MTAP: variants seen among roughly 807,000 people sequenced by gnomAD.
The protein encoded by MTAP is methylthioadenosine phosphorylase.
A neutral mutation model predicts 33.6 loss-of-function variants in MTAP; 33 were observed. That is an observed-to-expected ratio of 0.98 (90% CI 0.74 to 1.31). The LOEUF is 1.31. Ranked by LOEUF, MTAP falls within the 40% of genes most tolerant of loss-of-function variation. The pLI is 0.00. For missense variants in MTAP, 367 were observed against 360.0 expected, an observed-to-expected ratio of 1.02 and a Z score of -0.16; for synonymous variants, 148 against 125.7, an observed-to-expected ratio of 1.18 and a Z score of -1.19.
chr9:21,846,041 G>C (rs1437128672), intron 5 of MTAP, among the ~76,000 whole-genome samples: 1 of 152,186 alleles, frequency 6.6e-6, no homozygotes, highest in East Asian at 1.9e-4. Context: ...AACAAATGTT[G>C]CAGGATAATT....
chr9:21,883,036 C>T (rs1429050313), intron 1 of MTAP, among the ~76,000 whole-genome samples: 1 of 150,434 alleles, frequency 6.6e-6, no homozygotes, highest in Non-Finnish European at 1.5e-5. Flanking sequence ...AAAAGCAGAA[C>T]TTAATTAAAT....
intron 1 of MTAP, among the ~76,000 whole-genome samples, chr9:21,903,204 C>G (rs1327763458): frequency 1.3e-5 from 2 of 152,140 alleles, no homozygotes; most frequent in Admixed American, 1.3e-4. Context: ...ATGGACTATA[C>G]TATATTTAGA....
chr9:21,870,369 G>C (rs1681954880), downstream of MTAP, among the ~76,000 whole-genome samples: 1 of 152,170 alleles, frequency 6.6e-6, no homozygotes, highest in Non-Finnish European at 1.5e-5. Flanking sequence ...CAGGAAACTT[G>C]TCATTTACTG....
rs370690251 is a variant in MTAP, at chr9:21,931,017, T to C, written c.157T>C (p.Phe53Leu). The C allele has an allele frequency of 1.2e-4, 90 of 763,728 alleles. No individual in the cohort carries two copies. In the African/African-American group the frequency reaches 1.3e-3, roughly 11 times the overall value. The allele number at this position is 763,728 out of a possible 1,614,324, so 47.3% of individuals were successfully genotyped here. ...TTTCTCTCACCTTTAGATGATCAAG[T>C]TCCAGATGATCCTCAGTGAGGGATA... The change falls in exon 2 of 2, where the codon TTC becomes CTC. Residue 53 changes from phenylalanine (F) to leucine (L), a missense_variant. By Grantham distance (22) the Phe-to-Leu change is conservative. Coordinates refer to the MTAP transcript ENST00000577563.
At chr9:21,933,564 A>G (rs1818997294), downstream of MTAP, 1 of 152,080 alleles carries the variant, frequency 6.6e-6, no homozygotes, top group Admixed American at 6.5e-5. Flanking sequence ...AGAAGAAGAA[A>G]TAGAGCTAAT....
At chr9:21,856,651 G>A (rs143976244) in intron 6 of MTAP, among the ~76,000 whole-genome samples, 2 of 152,272 alleles carry the variant, frequency 1.3e-5, no homozygotes, top group African/African-American at 4.8e-5. Flanking sequence ...ATGAGGTTGG[G>A]GAAATAGTCA....
intron 1 of MTAP, among the ~76,000 whole-genome samples, chr9:21,919,121 T>C (rs1162778368): frequency 6.6e-6 from 1 of 152,108 alleles, no homozygotes; most frequent in Non-Finnish European, 1.5e-5. Context: ...TTCAGCAGAG[T>C]GTTTAAAGTA....
At chr9:21,884,553 A>G (rs72691587) in intron 1 of MTAP, among the ~76,000 whole-genome samples, 13,039 of 152,250 alleles carry the variant, frequency 0.086, 724 homozygotes, top group East Asian at 0.24. Context: ...TCACAGTTCT[A>G]AAGGCTGGGA....
intron 1 of MTAP, among the ~76,000 whole-genome samples, chr9:21,810,176 G>T (rs370048033): frequency 6.6e-6 from 1 of 152,160 alleles, no homozygotes; most frequent in African/African-American, 2.4e-5. Context: ...AGAAGTCCAA[G>T]ATCAAGGTGA....
At chr9:21,913,072 G>A (rs1563868510) in intron 1 of MTAP, among the ~76,000 whole-genome samples, 1 of 152,100 alleles carries the variant, frequency 6.6e-6, no homozygotes, top group African/African-American at 2.4e-5. Flanking sequence ...CAACTTACAA[G>A]GGTTGTGAAG....
intron 1 of MTAP, among the ~76,000 whole-genome samples, chr9:21,872,340 T>C (rs1340528583): frequency 6.6e-6 from 1 of 152,142 alleles, no homozygotes; most frequent in East Asian, 1.9e-4. Context: ...CACCAAAAAC[T>C]GTCTGCTCTC....
At position 21,837,943 on chromosome 9, in the gene MTAP, G is replaced by C; in HGVS notation, c.383G>C (p.Ser128Thr). The change falls in exon 5 of 8, where the codon AGT becomes ACT. Residue 128 changes from serine to threonine, a missense_variant. By Grantham distance (58) the Ser-to-Thr change is moderately conservative. Coordinates refer to ENST00000644715, the MANE Select transcript of MTAP (RefSeq NM_002451.4). The part of the protein sequence containing the change: ...TMRPQSFYDG[S>T]HSCARGVCHI... ...AGACCTCAGTCCTTCTATGATGGAA[G>C]TCATTCTTGTGCCAGAGGAGTGTGC... 1 of 1,614,140 alleles carries C rather than the reference G, an allele frequency of 6.2e-7. No individual in the cohort carries two copies. The highest frequency in any genetic ancestry group is 8.5e-7 in the Non-Finnish European group (1 of 1,179,992).
At chr9:21,875,543 A>T (rs1232898750) in intron 1 of MTAP, among the ~76,000 whole-genome samples, 1 of 151,382 alleles carries the variant, frequency 6.6e-6, no homozygotes, top group African/African-American at 2.4e-5. Context: ...TCTGCTCCTC[A>T]CCCTCCTCCC....
At chr9:21,932,807 T>C (rs1818984230), downstream of MTAP, 1 of 152,200 alleles carries the variant, frequency 6.6e-6, no homozygotes, top group Admixed American at 6.5e-5. Flanking sequence ...TTCCCCTGCC[T>C]TGATAAATGA....
chr9:21,814,684 C>T (rs1824432920), intron 1 of MTAP, among the ~76,000 whole-genome samples: 1 of 151,962 alleles, frequency 6.6e-6, no homozygotes, highest in South Asian at 2.1e-4. Context: ...CTGAAAAATG[C>T]AATACAATGC....
chr9:21,813,148 T>C (rs1449110224), intron 1 of MTAP, among the ~76,000 whole-genome samples: 1 of 152,266 alleles, frequency 6.6e-6, no homozygotes. Flanking sequence ...AGTTGTACTT[T>C]GCTGTGGAGC....
chr9:21,829,727 C>T (rs1824920505), intron 4 of MTAP, among the ~76,000 whole-genome samples: 1 of 152,064 alleles, frequency 6.6e-6, no homozygotes, highest in Non-Finnish European at 1.5e-5. Context: ...CAAGCTAAAG[C>T]ACATCATTTT....
chr9:21,821,822 A>T (rs917048084), intron 4 of MTAP, among the ~76,000 whole-genome samples: 3 of 152,194 alleles, frequency 2.0e-5, no homozygotes, highest in African/African-American at 7.2e-5. Flanking sequence ...TTATTGGTCT[A>T]TTCAGGGATT....
chr9:21,808,606 ACAC>A (rs1282742454), intron 1 of MTAP, among the ~76,000 whole-genome samples: 5 of 136,770 alleles, frequency 3.7e-5, no homozygotes, highest in Admixed American at 7.3e-5. Context: ...AAAAAAAAAA[ACAC>A]ACACACACAC....
Sources: allele counts gnomAD v4.1 joint callset (sites outside exome capture counted in the v4.1 genomes callset), GRCh38; gene constraint gnomAD v4.1.1; transcripts MANE v1.5; gene names NCBI Gene and HGNC (gene_info 2026-07-23, HGNC 2026-07-21).